Variants in PTPN5 observed in about 807,000 individuals in gnomAD.
PTPN5 encodes tyrosine-protein phosphatase non-receptor type 5.
In PTPN5, 29 loss-of-function variants were observed where a neutral mutation model predicts 73.9. The observed-to-expected ratio is 0.39, with a 90% CI of 0.29 to 0.54. PTPN5 has a LOEUF of 0.54. Ranked by LOEUF, PTPN5 falls within the 20% of genes least tolerant of loss-of-function variation. The pLI is 0.65. For missense variants in PTPN5, 652 were observed against 751.4 expected, an observed-to-expected ratio of 0.87 and a Z score of 1.55; for synonymous variants, 267 against 304.7, an observed-to-expected ratio of 0.88 and a Z score of 1.29.
chr11:18,735,081 A>G (rs1409636227), intron 9 of PTPN5, among the ~76,000 whole-genome samples: 2 of 152,230 alleles, frequency 1.3e-5, no homozygotes, highest in Non-Finnish European at 2.9e-5. Flanking sequence ...TAACAACTAG[A>G]GTCCTTATGC....
At chr11:18,769,233 C>G (rs1387353842) in intron 2 of PTPN5, among the ~76,000 whole-genome samples, 1 of 152,138 alleles carries the variant, frequency 6.6e-6, no homozygotes, top group East Asian at 1.9e-4. Flanking sequence ...TTGCAGGCTC[C>G]CAGTCTTCTC....
chr11:18,749,085 G>C (rs144280940), intron 3 of PTPN5, among the ~76,000 whole-genome samples: 117 of 152,310 alleles, frequency 7.7e-4, no homozygotes, highest in Middle Eastern at 3.4e-3. Context: ...ATACGCAATT[G>C]CATTTGCTTC....
chr11:18,739,932 T>C lies in PTPN5; in HGVS notation c.915+671A>G, dbSNP rs554587702. On this transcript the variant is annotated intron_variant, in intron 8 of 14. Coordinates refer to ENST00000358540, the MANE Select transcript of PTPN5 (RefSeq NM_006906.2). ...CCCTGTGGAGGGTGGAAAGTGCATG[T>C]AATTCTGGGTCTCAGTATCGGGAGG... Among the ~76,000 whole-genome samples the C allele has an allele frequency of 2.6e-5, 4 of 152,340 alleles. No individual in the cohort carries two copies. The South Asian group carries it at 6.2e-4, about 24-fold the overall frequency.
At chr11:18,732,520 G>T (rs1224260738) in intron 12 of PTPN5, 72 bp downstream of exon 12, 6 of 1,130,446 alleles carry the variant, frequency 5.3e-6, no homozygotes, top group South Asian at 2.5e-5. Flanking sequence ...TGGGGGACCT[G>T]TTCTCTGTGG....
rs199683466 is a variant in PTPN5, at chr11:18,733,273, T to G, written c.1180A>C (p.Ile394Leu). 6.9e-5 allele frequency: 111 copies of G among 1,614,028 alleles called. 1 individual carries two copies. In the East Asian group the frequency reaches 2.2e-3, roughly 32 times the overall value. The change falls in exon 11 of 15, where the codon ATC becomes CTC. Residue 394 changes from isoleucine to leucine, a missense_variant. By Grantham distance (5) the Ile-to-Leu change is conservative. Coordinates refer to ENST00000358540, the MANE Select transcript of PTPN5 (RefSeq NM_006906.2). This position sits in a 1 kb window ranked among gnomAD's most constrained non-coding sequence, Gnocchi z 4.3. ...WRMVWQEHTPIIVMITNIEEM... is the reference protein window; with the variant it reads ...WRMVWQEHTPLIVMITNIEEM... ...TCGATGTTGGTGATCATGACAATGA[T>G]GGGCGTGTGCTCCTGCCACACCATG...
chr11:18,731,438 C>T (rs979348839), intron 12 of PTPN5, among the ~76,000 whole-genome samples: 17 of 152,072 alleles, frequency 1.1e-4, no homozygotes, highest in Non-Finnish European at 1.5e-4. Flanking sequence ...GCCAGGTGCT[C>T]GTAATGTCTT....
In PTPN5 at chr11:18,728,727, C is replaced by G; in HGVS notation, c.*207G>C. The G allele has an allele frequency of 1.9e-6, 1 of 525,042 alleles. No homozygotes were observed. Among genetic ancestry groups the G allele is most frequent in the Non-Finnish European group, 3.3e-6 (1 of 305,882 alleles). 32.5% of individuals were successfully genotyped at this position (525,042 alleles called of 1,614,324 possible). A position where few individuals can be genotyped will look rare whatever the true frequency, so the allele number is the denominator to read the frequency against. The stretch of plus-strand genomic sequence containing the variant: ...GCCCCAGGCCTGGCCTGGCATGTCC[C>G]TTCCCGACCCTGCCCCCCACTCCCC... On this transcript the variant is annotated 3_prime_UTR_variant, in exon 15 of 15. Transcript: ENST00000358540. The surrounding 1 kb of genome is among the most constrained non-coding windows in gnomAD (Gnocchi z 4.1).
chr11:18,765,583 C>T (rs1850607118), intron 3 of PTPN5, among the ~76,000 whole-genome samples: 1 of 152,238 alleles, frequency 6.6e-6, no homozygotes, highest in Non-Finnish European at 1.5e-5. Flanking sequence ...ATTGCCTGCT[C>T]TTCCCTCCAT....
intron 3 of PTPN5, among the ~76,000 whole-genome samples, chr11:18,744,842 C>G (rs570844343): frequency 3.3e-5 from 5 of 152,216 alleles, no homozygotes; most frequent in Non-Finnish European, 7.3e-5. Flanking sequence ...GTCACTCCCT[C>G]TCTGGATCTT....
chr11:18,738,401 C>T (rs551741742), intron 8 of PTPN5, among the ~76,000 whole-genome samples: 49 of 152,278 alleles, frequency 3.2e-4, no homozygotes, highest in Non-Finnish European at 3.7e-4. Flanking sequence ...AGAAGCCTTC[C>T]CTGATTCTCC....
chr11:18,782,506 GTA>G (rs1298071363), intron 1 of PTPN5, among the ~76,000 whole-genome samples: 1 of 152,216 alleles, frequency 6.6e-6, no homozygotes, highest in Non-Finnish European at 1.5e-5. Flanking sequence ...GGGGTTACAG[GTA>G]TGAGCCACTG....
chr11:18,754,606 C>G (rs185746585), intron 3 of PTPN5, among the ~76,000 whole-genome samples: 11 of 152,334 alleles, frequency 7.2e-5, no homozygotes, highest in African/African-American at 2.6e-4. Context: ...CCCACTCTCT[C>G]ACCAGCTATC....
At position 18,778,253 on chromosome 11, in the gene PTPN5, C is replaced by T. The variant is rs116457929; in HGVS notation, c.-113-6182G>A. On this transcript the variant is annotated intron_variant, in intron 1 of 14. Transcript: ENST00000358540. ...GAAGCTCTTAGACGAGCACATGGCA[C>T]GCTGTATGCTCTGTGTTAGCCAATA... Among the ~76,000 whole-genome samples the T allele has an allele frequency of 8.6e-3, 1,313 of 152,260 alleles. 20 individuals carry two copies. Among genetic ancestry groups the T allele is most frequent in the African/African-American group, 0.029 (1,220 of 41,540 alleles).
At chr11:18,758,629 G>A (rs1850254354) in intron 3 of PTPN5, among the ~76,000 whole-genome samples, 1 of 151,960 alleles carries the variant, frequency 6.6e-6, no homozygotes, top group African/African-American at 2.4e-5. Context: ...AACCAAAACA[G>A]ATGCTGAGAT....
intron 3 of PTPN5, among the ~76,000 whole-genome samples, chr11:18,744,739 A>G (rs767645043): frequency 4.6e-5 from 7 of 152,140 alleles, no homozygotes; most frequent in Non-Finnish European, 1.0e-4. Context: ...GGCTGGGGGC[A>G]GTTAGGGCGA....
intron 8 of PTPN5, among the ~76,000 whole-genome samples, chr11:18,738,888 C>T (rs10766498): frequency 0.18 from 27,293 of 150,838 alleles, 3,376 homozygotes; most frequent in Non-Finnish European, 0.27. Flanking sequence ...AGGAGAATCG[C>T]TTGGAACTGG....
chr11:18,775,031 C>A (rs1851079344), intron 1 of PTPN5, among the ~76,000 whole-genome samples: 2 of 152,308 alleles, frequency 1.3e-5, no homozygotes, highest in East Asian at 3.9e-4. Context: ...ACCACACAGG[C>A]CAGGAACTGC....
intron 3 of PTPN5, among the ~76,000 whole-genome samples, chr11:18,757,116 C>T (rs1302701687): frequency 1.3e-5 from 2 of 152,150 alleles, no homozygotes; most frequent in Non-Finnish European, 2.9e-5. Context: ...ACATCCAGGG[C>T]TTCTGAATCC....
chr11:18,761,748 GA>G (rs1850400011), intron 3 of PTPN5, among the ~76,000 whole-genome samples: 1 of 152,114 alleles, frequency 6.6e-6, no homozygotes, highest in Non-Finnish European at 1.5e-5. Context: ...AGTAGTGGGA[GA>G]AAGAGAAAGA....
Sources: gnomAD v4.1 joint callset for allele counts (sites outside exome capture counted in the v4.1 genomes callset) on GRCh38, gnomAD v4.1.1 for gene constraint, Gnocchi (gnomAD v3.1) non-coding constraint, MANE v1.5 for transcripts, NCBI Gene and HGNC (gene_info 2026-07-23, HGNC 2026-07-21) for gene names.